Variants in CEP85L observed in about 807,000 individuals in gnomAD.
The protein encoded by CEP85L is centrosomal protein 85L, also known as centrosomal protein of 85 kDa-like.
CEP85L carries 60 observed loss-of-function variants against 100.3 expected under a neutral mutation model. That is an observed-to-expected ratio of 0.60 (90% CI 0.49 to 0.74). The LOEUF is 0.74. Among genes scored for constraint, CEP85L ranks in the 30% least tolerant of loss-of-function variants. The pLI, the probability that CEP85L is intolerant of heterozygous loss-of-function variation, is 0.00. For synonymous variants in CEP85L, 319 were observed against 322.7 expected (o/e 0.99, Z 0.12); for missense variants, 973 against 936.2 (o/e 1.04, Z -0.51).
intron 2 of CEP85L, among the ~76,000 whole-genome samples, chr6:118,599,004 A>G (rs76244846): frequency 6.6e-6 from 1 of 152,218 alleles, no homozygotes; most frequent in African/African-American, 2.4e-5. Flanking sequence ...TTGGCTCAAT[A>G]CTAATACTGA....
intron 5 of CEP85L, among the ~76,000 whole-genome samples, chr6:118,497,538 G>A (rs144145511): frequency 9.0e-4 from 137 of 152,210 alleles, no homozygotes; most frequent in African/African-American, 3.1e-3. Flanking sequence ...AATGTTATGT[G>A]CTTGAATCAT....
intron 1 of CEP85L, among the ~76,000 whole-genome samples, chr6:118,639,519 T>A (rs149392171): frequency 6.6e-6 from 1 of 152,330 alleles, no homozygotes; most frequent in Non-Finnish European, 1.5e-5. Flanking sequence ...GTTTCACTTC[T>A]GCACCTTAAG....
intron 2 of CEP85L, among the ~76,000 whole-genome samples, chr6:118,583,027 A>G (rs1447481823): frequency 6.6e-6 from 1 of 152,200 alleles, no homozygotes; most frequent in Non-Finnish European, 1.5e-5. Context: ...GCTGTTATCA[A>G]TGTGGCAAGT....
chr6:118,651,941 A>G (rs1775598048), upstream of CEP85L: 3 of 985,012 alleles, frequency 3.0e-6, no homozygotes, highest in African/African-American at 1.7e-5. Flanking sequence ...TGGCGTCACA[A>G]CCGCTCGAGA....
intron 2 of CEP85L, among the ~76,000 whole-genome samples, chr6:118,611,809 T>G (rs1218905610): frequency 6.6e-6 from 1 of 152,088 alleles, no homozygotes; most frequent in African/African-American, 2.4e-5. Flanking sequence ...GTAATAGCAA[T>G]TCTAAATGTC....
rs977849764 is a variant in CEP85L, at chr6:118,550,837, A to G, written c.1020+14692T>C. 2.0e-5 allele frequency among the ~76,000 whole-genome samples: 3 copies of G among 152,064 alleles called. No individual in the cohort carries two copies. In the East Asian group the frequency reaches 5.8e-4, roughly 29 times the overall value. On this transcript the variant is annotated intron_variant, in intron 3 of 12. Coordinates refer to ENST00000368491, the MANE Select transcript of CEP85L (RefSeq NM_001042475.3). ...AATTAAAAGCCATTCCACTCCATTTAAATTCAATTTATGCATAGCATTACA... is the reference window on the plus strand; with the variant it reads ...AATTAAAAGCCATTCCACTCCATTTGAATTCAATTTATGCATAGCATTACA...
chr6:118,695,736 T>C (rs767601911), intron 1 of CEP85L, among the ~76,000 whole-genome samples: 3 of 152,244 alleles, frequency 2.0e-5, no homozygotes, highest in Admixed American at 1.3e-4. Flanking sequence ...CTACTGCTTA[T>C]TTAATTAAAA....
At chr6:118,682,045 C>T (rs930721704) in intron 1 of CEP85L, among the ~76,000 whole-genome samples, 3 of 151,786 alleles carry the variant, frequency 2.0e-5, no homozygotes, top group Admixed American at 1.3e-4. Flanking sequence ...GGATTACAGG[C>T]GTGAGCCACC....
chr6:118,510,069 T>C (rs1312484117), intron 5 of CEP85L, among the ~76,000 whole-genome samples: 1 of 152,116 alleles, frequency 6.6e-6, no homozygotes, highest in East Asian at 1.9e-4. Context: ...CAAACTTGTT[T>C]TCCTATATGG....
chr6:118,699,290 T>C (rs1777318716), intron 1 of CEP85L, among the ~76,000 whole-genome samples: 1 of 151,626 alleles, frequency 6.6e-6, no homozygotes, highest in Non-Finnish European at 1.5e-5. Flanking sequence ...CCCATCTCTA[T>C]AAAAAAATTA....
intron 2 of CEP85L, among the ~76,000 whole-genome samples, chr6:118,618,953 C>G (rs541015251): frequency 6.6e-6 from 1 of 152,062 alleles, no homozygotes. Flanking sequence ...AGTCCTCATG[C>G]CCCATCTAGT....
chr6:118,519,954 G>A (rs1254789151), intron 4 of CEP85L, among the ~76,000 whole-genome samples: 1 of 152,000 alleles, frequency 6.6e-6, no homozygotes, highest in Non-Finnish European at 1.5e-5. Context: ...TAGATAAAAA[G>A]GAAAATACAT....
Position 118,481,945 on chromosome 6 carries a change from T to C in CEP85L, c.1591-12A>G. The C allele has an allele frequency of 6.6e-7, 1 of 1,505,656 alleles. No homozygotes were observed. The highest frequency in any genetic ancestry group is 8.9e-7 in the Non-Finnish European group (1 of 1,119,622). 93.3% of individuals were successfully genotyped at this position (1,505,656 alleles called of 1,614,324 possible). On this transcript the variant is annotated splice_polypyrimidine_tract_variant and intron_variant, in intron 7 of 12. Coordinates refer to ENST00000368491, the MANE Select transcript of CEP85L (RefSeq NM_001042475.3). ...TCCAGAATCTGCAGCTAAGGAGAAA[T>C]GTTTTACAGTTCATTACACATGAAA...
chr6:118,697,889 C>G (rs1407392856), intron 1 of CEP85L, among the ~76,000 whole-genome samples: 1 of 152,176 alleles, frequency 6.6e-6, no homozygotes, highest in Non-Finnish European at 1.5e-5. Context: ...AAGTGCTATT[C>G]CTTCAAAGAA....
chr6:118,597,605 C>A (rs181535501), intron 2 of CEP85L, among the ~76,000 whole-genome samples: 1 of 152,190 alleles, frequency 6.6e-6, no homozygotes, highest in African/African-American at 2.4e-5. Context: ...AGGATATTTG[C>A]TACTGCTAAC....
intron 3 of CEP85L, among the ~76,000 whole-genome samples, chr6:118,536,347 A>G (rs1777589678): frequency 6.6e-6 from 1 of 152,184 alleles, no homozygotes. Context: ...CCTACTGGGC[A>G]TTAGAAATTT....
At position 118,511,364 on chromosome 6, in the gene CEP85L, TAATTC is replaced by T; in HGVS notation, c.1186_1190del (p.Glu396ThrfsTer14). On this transcript the variant is annotated frameshift_variant, in exon 5 of 13. Coordinates refer to ENST00000368491, the MANE Select transcript of CEP85L (RefSeq NM_001042475.3). LOFTEE classifies it high-confidence loss of function. ...GTCCTAACATGGCATGTTGAGCCCGTAATTCATTATCCCTTATCCTCTCATGCAGG... is the reference window on the plus strand; with the variant it reads ...GTCCTAACATGGCATGTTGAGCCCGTATTATCCCTTATCCTCTCATGCAGG... The T allele has an allele frequency of 1.2e-6, 2 of 1,613,262 alleles. No individual in the cohort carries two copies. Among genetic ancestry groups the T allele is most frequent in the Non-Finnish European group, 8.5e-7 (1 of 1,179,462 alleles).
chr6:118,565,295 A>G (rs1779435843), intron 3 of CEP85L: 1 of 522,708 alleles, frequency 1.9e-6, no homozygotes, highest in Admixed American at 3.6e-5. Flanking sequence ...TTAACAAATG[A>G]AAAGGAAAGA....
chr6:118,576,190 C>G (rs1439606382), intron 2 of CEP85L, among the ~76,000 whole-genome samples: 3 of 152,182 alleles, frequency 2.0e-5, no homozygotes, highest in Admixed American at 6.5e-5. Flanking sequence ...ATTGCCTTAC[C>G]AAGAATCCAA....
Sources: gnomAD v4.1 joint callset for allele counts (sites outside exome capture counted in the v4.1 genomes callset) on GRCh38, gnomAD v4.1.1 for gene constraint, MANE v1.5 for transcripts, NCBI Gene and HGNC (gene_info 2026-07-23, HGNC 2026-07-21) for gene names.